The following GRM8 variants were observed in gnomAD, a reference collection of about 807,000 sequenced individuals.
GRM8 encodes glutamate metabotropic receptor 8, also known as metabotropic glutamate receptor 8.
GRM8 carries 47 observed loss-of-function variants against 87.2 expected under a neutral mutation model. The observed-to-expected ratio is 0.54, with a 90% CI of 0.43 to 0.69. The LOEUF (loss-of-function observed/expected upper bound fraction) is 0.69, where lower values mean the gene tolerates loss of function less well. Among genes scored for constraint, GRM8 ranks in the 30% least tolerant of loss-of-function variants. The pLI is 0.00. For missense variants in GRM8, 1,019 were observed against 1,139.2 expected (o/e 0.89, Z 1.52); for synonymous variants, 396 against 404.5 (o/e 0.98, Z 0.25).
intron 8 of GRM8, among the ~76,000 whole-genome samples, chr7:126,572,886 G>A (rs1473063576): frequency 6.6e-6 from 1 of 152,112 alleles, no homozygotes; most frequent in African/African-American, 2.4e-5. Context: ...GTTGAATGAA[G>A]ACCCACAAAG....
intron 3 of GRM8, among the ~76,000 whole-genome samples, chr7:126,928,439 A>G (rs938828090): frequency 1.3e-5 from 2 of 152,186 alleles, no homozygotes; most frequent in Admixed American, 6.5e-5. Flanking sequence ...TGGGAGGCCA[A>G]GATGGGTGGA....
intron 8 of GRM8, among the ~76,000 whole-genome samples, chr7:126,584,866 G>T (rs1468155): frequency 0.31 from 46,963 of 151,728 alleles, 8,129 homozygotes; most frequent in East Asian, 0.44. Context: ...TAGTCATTTT[G>T]AATAATTTTT....
At chr7:127,059,331 C>CTTTTTTTTTTTT (rs10618329) in intron 3 of GRM8, among the ~76,000 whole-genome samples, 3 of 130,594 alleles carry the variant, frequency 2.3e-5, no homozygotes, top group Non-Finnish European at 1.6e-5. Flanking sequence ...TTTTTTTTTG[C>CTTTTTTTTTTTT]TTTTTTTTTT....
At chr7:126,952,568 C>G (rs1289212361) in intron 3 of GRM8, among the ~76,000 whole-genome samples, 2 of 151,958 alleles carry the variant, frequency 1.3e-5, no homozygotes, top group African/African-American at 4.8e-5. Context: ...GTGGAGAACC[C>G]AGCAGAAACC....
At chr7:126,488,183 A>AT (rs57717265) in intron 9 of GRM8, among the ~76,000 whole-genome samples, 1 of 151,960 alleles carries the variant, frequency 6.6e-6, no homozygotes, top group Non-Finnish European at 1.5e-5. Flanking sequence ...AGAAAAAAAA[A>AT]CAAAAAACAG....
At chr7:127,049,202 A>ATC (rs1186739627) in intron 3 of GRM8, among the ~76,000 whole-genome samples, 3 of 152,090 alleles carry the variant, frequency 2.0e-5, no homozygotes, top group Non-Finnish European at 2.9e-5. Flanking sequence ...TAGAAAAATC[A>ATC]TCTCTCTCTC....
At chr7:126,601,291 G>C (rs1033996908) in intron 8 of GRM8, among the ~76,000 whole-genome samples, 1 of 151,986 alleles carries the variant, frequency 6.6e-6, no homozygotes, top group Non-Finnish European at 1.5e-5. Flanking sequence ...ATAGTATTCC[G>C]TGGTGTATAT....
intron 6 of GRM8, among the ~76,000 whole-genome samples, chr7:126,842,946 C>T (rs1796406388): frequency 6.6e-6 from 1 of 151,950 alleles, no homozygotes; most frequent in Non-Finnish European, 1.5e-5. Flanking sequence ...TTTTTTACAG[C>T]AGCAATAGGG....
intron 2 of GRM8, 51 bp downstream of exon 2, chr7:127,242,644 A>G: frequency 1.3e-6 from 2 of 1,526,188 alleles, no homozygotes; most frequent in Non-Finnish European, 1.8e-6. Flanking sequence ...TAGGAGTCAT[A>G]GCATTTCATT....
At chr7:126,910,725 G>A (rs1803193969) in intron 3 of GRM8, among the ~76,000 whole-genome samples, 1 of 152,154 alleles carries the variant, frequency 6.6e-6, no homozygotes, top group Non-Finnish European at 1.5e-5. Flanking sequence ...TGATACAAGA[G>A]CAAATTTGTA....
At chr7:126,953,586 G>GT (rs201563638) in intron 3 of GRM8, among the ~76,000 whole-genome samples, 20 of 151,692 alleles carry the variant, frequency 1.3e-4, no homozygotes, top group East Asian at 7.7e-4. Context: ...AAAGAGCCAA[G>GT]TTTTTTTTTC....
intron 6 of GRM8, among the ~76,000 whole-genome samples, chr7:126,876,454 A>T (rs766707903): frequency 4.6e-5 from 7 of 152,228 alleles, no homozygotes; most frequent in Non-Finnish European, 8.8e-5. Context: ...GATTTTCATA[A>T]TGAGGAAACT....
At position 126,778,669 on chromosome 7, in the gene GRM8, G is replaced by T. The variant is rs77117390; in HGVS notation, c.1157-8604C>A. ...TAAAACTTGATATATCATAGTTAAT[G>T]TTTCTCTTTTTTAAGGCATATTAAA... On this transcript the variant is annotated intron_variant, in intron 6 of 10. Transcript: ENST00000339582. 4.6e-5 allele frequency among the ~76,000 whole-genome samples: 7 copies of T among 152,096 alleles called. No individual in the cohort carries two copies. The East Asian group carries it at 1.2e-3, about 25-fold the overall frequency.
chr7:126,507,383 T>C (rs1346618017), intron 9 of GRM8, among the ~76,000 whole-genome samples: 1 of 152,072 alleles, frequency 6.6e-6, no homozygotes, highest in African/African-American at 2.4e-5. Flanking sequence ...CGTCTTATGG[T>C]GTCAGTGTGA....
At chr7:127,179,698 C>A (rs1794324458) in intron 2 of GRM8, among the ~76,000 whole-genome samples, 1 of 152,054 alleles carries the variant, frequency 6.6e-6, no homozygotes, top group South Asian at 2.1e-4. Context: ...CAAAAGGAAC[C>A]TTCAGAACCA....
At chr7:126,604,133 C>T (rs1430597856) in intron 8 of GRM8, among the ~76,000 whole-genome samples, 1 of 151,832 alleles carries the variant, frequency 6.6e-6, no homozygotes, top group Non-Finnish European at 1.5e-5. Flanking sequence ...ATATATTTAA[C>T]TGATCATCTA....
chr7:126,524,582 A>T (rs1355897574), intron 9 of GRM8, among the ~76,000 whole-genome samples: 1 of 151,414 alleles, frequency 6.6e-6, no homozygotes, highest in African/African-American at 2.4e-5. Flanking sequence ...TTGTTTTTGT[A>T]TTTAGGTTAT....
chr7:126,924,880 A>G (rs1220479323), intron 3 of GRM8, among the ~76,000 whole-genome samples: 1 of 152,174 alleles, frequency 6.6e-6, no homozygotes, highest in Non-Finnish European at 1.5e-5. Context: ...CTGCTTCACA[A>G]TACTCCAGGA....
intron 10 of GRM8, among the ~76,000 whole-genome samples, chr7:126,443,069 A>G (rs1010043898): frequency 6.6e-6 from 1 of 152,042 alleles, no homozygotes; most frequent in Non-Finnish European, 1.5e-5. Flanking sequence ...GAGCACAGCA[A>G]CAGTAAATTA....
Sources: gnomAD v4.1 joint callset for allele counts (sites outside exome capture counted in the v4.1 genomes callset) on GRCh38, gnomAD v4.1.1 for gene constraint, MANE v1.5 for transcripts, NCBI Gene and HGNC (gene_info 2026-07-23, HGNC 2026-07-21) for gene names.